The following NSDHL variants were observed in gnomAD, a reference collection of about 807,000 sequenced individuals.
The protein encoded by NSDHL is sterol-4-alpha-carboxylate 3-dehydrogenase, decarboxylating.
A neutral mutation model predicts 23.0 loss-of-function variants in NSDHL; 1 was observed. That is an observed-to-expected ratio of 0.04 (90% CI 0.02 to 0.21). The LOEUF is 0.21. Ranked by LOEUF, NSDHL falls within the 10% of genes least tolerant of loss-of-function variation. The pLI is 1.00. For synonymous variants in NSDHL, 128 were observed against 121.1 expected, an observed-to-expected ratio of 1.06 and a Z score of -0.37; for missense variants, 237 against 300.9, an observed-to-expected ratio of 0.79 and a Z score of 1.57.
At chrX:152,864,469 A>C (rs182862579) in intron 5 of NSDHL, among the ~76,000 whole-genome samples, 45 of 112,143 alleles carry the variant, frequency 4.0e-4, no homozygotes, top group African/African-American at 1.5e-3. Context: ...ACTGATTGCC[A>C]CCAGAGCTGA....
At chrX:152,865,712 T>A (rs1933595550) in intron 5 of NSDHL, 107 bp from the exon 6 acceptor site, 1 of 988,521 alleles carries the variant, frequency 1.0e-6, no homozygotes, top group South Asian at 1.9e-5. Flanking sequence ...GCAGAGTGTG[T>A]CATCTGTCTG....
At chrX:152,860,440 G>A (rs186397512) in intron 4 of NSDHL, among the ~76,000 whole-genome samples, 131 of 111,725 alleles carry the variant, frequency 1.2e-3, no homozygotes, top group African/African-American at 4.1e-3. Flanking sequence ...TGTGCCCCAG[G>A]TGTGGCGGCT....
intron 1 of NSDHL, among the ~76,000 whole-genome samples, chrX:152,840,351 G>A (rs782376119): frequency 1.8e-5 from 2 of 112,328 alleles, no homozygotes; most frequent in Admixed American, 9.4e-5. Context: ...TGTTGCTGGC[G>A]AGGAGCTGTG....
At chrX:152,866,271 G>A (rs1933606228) in intron 6 of NSDHL, among the ~76,000 whole-genome samples, 1 of 111,950 alleles carries the variant, frequency 8.9e-6, no homozygotes, top group African/African-American at 3.3e-5. Context: ...TCTTTTATGA[G>A]GACACTAATC....
At chrX:152,855,886 G>A (rs1243112315) in intron 3 of NSDHL, among the ~76,000 whole-genome samples, 5 of 112,440 alleles carry the variant, frequency 4.4e-5, no homozygotes, top group Non-Finnish European at 5.6e-5. Flanking sequence ...TCTAGCCAGC[G>A]TTCAGATATC....
chrX:152,844,046 A>G (rs1933234095), intron 1 of NSDHL, among the ~76,000 whole-genome samples: 1 of 111,892 alleles, frequency 8.9e-6, no homozygotes. Flanking sequence ...GGAGAACTAA[A>G]GTGGTGGAGA....
chrX:152,860,706 C>T (rs1422308570), intron 4 of NSDHL, among the ~76,000 whole-genome samples: 2 of 110,356 alleles, frequency 1.8e-5, no homozygotes, highest in African/African-American at 6.6e-5. Context: ...AGAGCAAGAC[C>T]TTGTCTCTTA....
rs369750154 is a variant in NSDHL at position 152,868,144 on chromosome X, C to CT, written c.789+484dup. On this transcript the variant is annotated intron_variant, in intron 7 of 7. Transcript: ENST00000370274. Reference sequence around the variant, plus strand: ...AGGGTGGGTGTGGCATTTTTTTTTTCTTTTTTTTTTTTTGAGACAGTCTCA... The same window carrying CT: ...AGGGTGGGTGTGGCATTTTTTTTTTCTTTTTTTTTTTTTTGAGACAGTCTCA... Among the ~76,000 whole-genome samples, 525 of 98,192 alleles carry CT rather than the reference C, an allele frequency of 5.3e-3. 4 individuals carry two copies. The highest frequency in any genetic ancestry group is 0.015 in the African/African-American group (413 of 27,015). The allele number at this position is 98,192 out of a possible 115,157, so 85.3% of individuals were successfully genotyped here.
chrX:152,860,072 GCCAGGGGGTT>G (rs1192159408), intron 4 of NSDHL, among the ~76,000 whole-genome samples: 2 of 112,125 alleles, frequency 1.8e-5, no homozygotes, highest in East Asian at 5.6e-4. Flanking sequence ...CTTGAAGCAA[GCCAGGGGGTT>G]CCTCTCCCAA....
chrX:152,844,713 T>A (rs1933244831), intron 1 of NSDHL, among the ~76,000 whole-genome samples: 1 of 112,624 alleles, frequency 8.9e-6, no homozygotes, highest in South Asian at 3.7e-4. Flanking sequence ...TATGCATGTA[T>A]GCGATGGAGA....
At position 152,869,152 on chromosome X, in the gene NSDHL, TCAGC is replaced by T; in HGVS notation, c.*40_*43del. 9.3e-7 allele frequency: 1 copy of T among 1,073,784 alleles called. No homozygotes were observed. The highest frequency in any genetic ancestry group is 1.3e-6 in the Non-Finnish European group (1 of 772,309). 88.5% of individuals were successfully genotyped at this position (1,073,784 alleles called of 1,213,427 possible). A position where few individuals can be genotyped will look rare whatever the true frequency, so the allele number is the denominator to read the frequency against. Reference sequence around the variant, plus strand: ...AGGCTGGGCTCTCTCGACACGTTGCTCAGCCAGTCACTCCTTCCCCTGTGGATTG... The same window carrying T: ...AGGCTGGGCTCTCTCGACACGTTGCTCAGTCACTCCTTCCCCTGTGGATTG... On this transcript the variant is annotated 3_prime_UTR_variant, in exon 8 of 8. Transcript: ENST00000370274.
intron 3 of NSDHL, among the ~76,000 whole-genome samples, chrX:152,853,128 C>CGTGTGTGTGT (rs35307183): frequency 0.12 from 11,332 of 96,952 alleles, 664 homozygotes; most frequent in South Asian, 0.19. Flanking sequence ...CTCTCAGGCA[C>CGTGTGTGTGT]GTGTGTGTGT....
chrX:152,847,337 C>T (rs781828360), intron 2 of NSDHL, among the ~76,000 whole-genome samples: 11 of 111,682 alleles, frequency 9.8e-5, no homozygotes, highest in Admixed American at 1.9e-4. Flanking sequence ...AAACAAACAA[C>T]GTAATTACAT....
intron 4 of NSDHL, 38 bp downstream of exon 4, chrX:152,858,954 G>A (rs782337503): frequency 9.6e-6 from 11 of 1,140,288 alleles, no homozygotes; most frequent in Middle Eastern, 2.4e-4. Flanking sequence ...TCAGGAGCAC[G>A]TGATGGCCCT....
rs781833972 is a variant in NSDHL, at chrX:152,868,852, C to G, written c.858C>G (p.Leu286=). 2 of 1,211,384 alleles carry G rather than the reference C, an allele frequency of 1.7e-6. No homozygotes were observed. Among genetic ancestry groups the G allele is most frequent in the Non-Finnish European group, 2.2e-6 (2 of 894,959 alleles). Residue 286 remains leucine (L), a synonymous_variant, in exon 8 of 8, where the codon CTC becomes CTG. Transcript: ENST00000370274. ...WTFLSRILTG[L]NYEAPKYHIP... is the part of the protein sequence containing the mutation. ...TCCTGTCTCGCATCCTGACAGGCCT[C>G]AATTATGAGGCCCCCAAGTACCACA...
At position 152,868,700 on chromosome X, in the gene NSDHL, C is replaced by T. The variant is rs377581788; in HGVS notation, c.790-84C>T. On this transcript the variant is annotated intron_variant, in intron 7 of 7. Transcript: ENST00000370274. ...CTGCAGCAATTAGGCAGTGAGAATG[C>T]GATCTGCACGGGCTTAATAGATGCT... 1,231 of 816,883 alleles carry T rather than the reference C, an allele frequency of 1.5e-3. 4 individuals are homozygous for T. In the South Asian group the frequency reaches 0.021, roughly 14 times the overall value. 67.3% of individuals were successfully genotyped at this position (816,883 alleles called of 1,213,427 possible).
chrX:152,858,470 G>A (rs1370047356), intron 3 of NSDHL, among the ~76,000 whole-genome samples: 1 of 111,433 alleles, frequency 9.0e-6, no homozygotes. Context: ...TACCTCCTAG[G>A]TGCCTGCTCT....
At chrX:152,844,827 A>G (rs1482675572) in intron 1 of NSDHL, among the ~76,000 whole-genome samples, 1 of 112,005 alleles carries the variant, frequency 8.9e-6, no homozygotes, top group African/African-American at 3.2e-5. Context: ...TTCATGCCCA[A>G]GTTGCAACAG....
At chrX:152,856,460 G>T (rs868989543) in intron 3 of NSDHL, among the ~76,000 whole-genome samples, 1 of 111,642 alleles carries the variant, frequency 9.0e-6, no homozygotes, top group Non-Finnish European at 1.9e-5. Context: ...TCCCTCTGGG[G>T]TATTATTACT....
Sources: allele counts gnomAD v4.1 joint callset (sites outside exome capture counted in the v4.1 genomes callset), GRCh38; gene constraint gnomAD v4.1.1; transcripts MANE v1.5; gene names NCBI Gene and HGNC (gene_info 2026-07-23, HGNC 2026-07-21).